The following FRK variants were observed in gnomAD, a reference collection of about 807,000 sequenced individuals.
The protein encoded by FRK is tyrosine-protein kinase FRK.
Under a neutral mutation model 56.4 loss-of-function variants are expected in FRK, and 51 were observed. The ratio of observed to expected loss-of-function variants is 0.90; its 90% confidence interval spans 0.72 to 1.14. The LOEUF (loss-of-function observed/expected upper bound fraction) is 1.14. Among genes scored for constraint, FRK ranks in the 50% most tolerant of loss-of-function variants. FRK has a pLI of 0.00. For synonymous variants in FRK, 245 were observed against 217.9 expected, an observed-to-expected ratio of 1.12 and a Z score of -1.10; for missense variants, 570 against 601.4, an observed-to-expected ratio of 0.95 and a Z score of 0.55.
In FRK at chr6:116,038,844, C is replaced by A. The variant is rs542247211; in HGVS notation, c.344+21124G>T. On this transcript the variant is annotated intron_variant, in intron 1 of 7. Transcript: ENST00000606080. ...GGGGAGCTCATCCGCACTCTGAAGG[C>A]GGCCAAGGTGCCGGCCAACACTGAG... 2.3e-5 allele frequency: 12 copies of A among 528,060 alleles called. No individual in the cohort carries two copies. The African/African-American group carries it at 2.3e-4, about 10-fold the overall frequency. The allele number at this position is 528,060 out of a possible 1,614,324, so 32.7% of individuals were successfully genotyped here. A position where few individuals can be genotyped will look rare whatever the true frequency, so the allele number is the denominator to read the frequency against.
chr6:116,003,856 G>A, intron 2 of FRK, 21 bp downstream of exon 2: 1 of 1,611,956 alleles, frequency 6.2e-7, no homozygotes, highest in Non-Finnish European at 8.5e-7. Context: ...CATATTGAAT[G>A]ACACAAAACA....
At chr6:116,037,483 G>A (rs1478019271) in intron 1 of FRK, among the ~76,000 whole-genome samples, 1 of 152,100 alleles carries the variant, frequency 6.6e-6, no homozygotes, top group Non-Finnish European at 1.5e-5. Context: ...AAGCTCCAGG[G>A]ACTTTAAAAA....
chr6:116,044,270 G>C (rs919364963), intron 1 of FRK, among the ~76,000 whole-genome samples: 3 of 152,154 alleles, frequency 2.0e-5, no homozygotes, highest in East Asian at 1.9e-4. Context: ...AACTCTGGCA[G>C]AGACACAATA....
chr6:116,057,845 T>G (rs1470320218), intron 1 of FRK, among the ~76,000 whole-genome samples: 1 of 152,228 alleles, frequency 6.6e-6, no homozygotes, highest in East Asian at 1.9e-4. Context: ...AAATCTAAAT[T>G]AATAAGAACA....
the FRK span, among the ~76,000 whole-genome samples, chr6:116,082,732 G>T: frequency 6.6e-6 from 1 of 152,208 alleles, no homozygotes; most frequent in African/African-American, 2.4e-5. Context: ...CTTTTAGACA[G>T]TAGAGCTTAA....
chr6:116,023,229 C>T (rs1455190216), intron 1 of FRK, among the ~76,000 whole-genome samples: 1 of 152,152 alleles, frequency 6.6e-6, no homozygotes, highest in Non-Finnish European at 1.5e-5. Flanking sequence ...AAATATTTGG[C>T]AATATCTTAT....
the FRK span, among the ~76,000 whole-genome samples, chr6:116,091,531 G>T: frequency 1.1e-4 from 17 of 152,286 alleles, no homozygotes; most frequent in African/African-American, 4.1e-4. Context: ...GTGAGACCAA[G>T]AACCCACCGG....
chr6:116,038,815 C>A, intron 1 of FRK: 2 of 508,230 alleles, frequency 3.9e-6, no homozygotes, highest in Non-Finnish European at 7.9e-6. Context: ...GGAAGAAGAG[C>A]CTGGGGGAGC....
chr6:116,090,137 G>A, the FRK span, among the ~76,000 whole-genome samples: 4 of 152,264 alleles, frequency 2.6e-5, no homozygotes, highest in African/African-American at 9.6e-5. Flanking sequence ...AGATAAACAG[G>A]ATGAAGAGCA....
Position 115,943,180 on chromosome 6 carries a change from ATCT to A in FRK, c.1143_1145del (p.Asp382del). ...GTCTAGATTCATAGATGTCTTCATT[ATCT>A]ACCTGTTCATGTATTAAGGAATCAG... On this transcript the variant is annotated inframe_deletion and splice_region_variant, in exon 7 of 8. Coordinates refer to ENST00000606080, the MANE Select transcript of FRK (RefSeq NM_002031.3). 6.2e-7 allele frequency: 1 copy of A among 1,606,516 alleles called. No homozygotes were observed. The highest frequency in any genetic ancestry group is 8.5e-7 in the Non-Finnish European group (1 of 1,177,166).
rs1027771907 is a variant in FRK at position 115,932,469 on chromosome 6, C to T, written c.*9945G>A. On this transcript the variant is annotated 3_prime_UTR_variant, in exon 8 of 8. Coordinates refer to ENST00000606080, the MANE Select transcript of FRK (RefSeq NM_002031.3). ...AAACATTGTCAGATCAGCCCACTGG[C>T]AATTCCAATACCCAGGTGTACAAAC... is the stretch of plus-strand genomic sequence containing the variant. 6.6e-6 allele frequency: 1 copy of T among 152,168 alleles called. No individual in the cohort carries two copies. The highest frequency in any genetic ancestry group is 2.4e-5 in the African/African-American group (1 of 41,434). 9.4% of individuals were successfully genotyped at this position (152,168 alleles called of 1,614,324 possible).
intron 1 of FRK, among the ~76,000 whole-genome samples, chr6:116,054,565 A>C (rs1310554473): frequency 2.1e-5 from 3 of 146,098 alleles, no homozygotes; most frequent in East Asian, 1.9e-4. Flanking sequence ...ATATTTTATA[A>C]ATATAGTGTT....
the FRK span, among the ~76,000 whole-genome samples, chr6:116,093,366 G>A: frequency 2.0e-5 from 3 of 152,204 alleles, no homozygotes; most frequent in East Asian, 5.8e-4. Flanking sequence ...GCAGATCAAG[G>A]TAGACCTGGG....
At chr6:115,958,324 T>C (rs896400608) in intron 4 of FRK, among the ~76,000 whole-genome samples, 40 of 150,854 alleles carry the variant, frequency 2.7e-4, no homozygotes, top group Non-Finnish European at 3.5e-4. Context: ...GCAGTAATTA[T>C]GATAACCATA....
At chr6:116,041,073 G>A (rs1472194023) in intron 1 of FRK, among the ~76,000 whole-genome samples, 6 of 151,928 alleles carry the variant, frequency 3.9e-5, no homozygotes, top group Admixed American at 1.3e-4. Context: ...TCATTTTCCC[G>A]GGACCTACTA....
At position 115,937,117 on chromosome 6, in the gene FRK, C is replaced by A; in HGVS notation, c.*5297G>T. ...CACAAAGGGAAGCCCATCAGACTAACAGAGGATCTCTCTGCAGACACCTTA... is the reference window on the plus strand; with the variant it reads ...CACAAAGGGAAGCCCATCAGACTAAAAGAGGATCTCTCTGCAGACACCTTA... On this transcript the variant is annotated 3_prime_UTR_variant, in exon 8 of 8. Transcript: ENST00000606080. 6.6e-6 allele frequency: 1 copy of A among 152,214 alleles called. No individual in the cohort carries two copies. Among genetic ancestry groups the A allele is most frequent in the East Asian group, 1.9e-4 (1 of 5,198 alleles). The allele number at this position is 152,214 out of a possible 1,614,324, so 9.4% of individuals were successfully genotyped here. A position where few individuals can be genotyped will look rare whatever the true frequency, so the allele number is the denominator to read the frequency against.
At chr6:116,089,208 A>T in the FRK span, among the ~76,000 whole-genome samples, 1 of 152,218 alleles carries the variant, frequency 6.6e-6, no homozygotes, top group Non-Finnish European at 1.5e-5. Context: ...AAATGCTTCC[A>T]TTATATCTTT....
In FRK at chr6:116,005,141, A is replaced by G. The variant is rs536749124; in HGVS notation, c.345-1143T>C. On this transcript the variant is annotated intron_variant, in intron 1 of 7. Transcript: ENST00000606080. Reference sequence around the variant, plus strand: ...AAAAGAGAGACATTAACATATAAATATTACCTTCTAACAAATGCAGGGTGT... The same window carrying G: ...AAAAGAGAGACATTAACATATAAATGTTACCTTCTAACAAATGCAGGGTGT... Among the ~76,000 whole-genome samples the G allele has an allele frequency of 3.3e-5, 5 of 152,308 alleles. No homozygotes were observed. In the East Asian group the frequency reaches 9.6e-4, roughly 29 times the overall value.
chr6:116,000,286 A>G (rs753851451), intron 2 of FRK, among the ~76,000 whole-genome samples: 119 of 116,996 alleles, frequency 1.0e-3, no homozygotes, highest in Non-Finnish European at 1.1e-3. Flanking sequence ...TCTGTCACCC[A>G]GGATGGAGTA....
Sources: gnomAD v4.1 joint callset for allele counts (sites outside exome capture counted in the v4.1 genomes callset) on GRCh38, gnomAD v4.1.1 for gene constraint, MANE v1.5 for transcripts, NCBI Gene and HGNC (gene_info 2026-07-23, HGNC 2026-07-21) for gene names.